The following CSNK1G3 variants were observed in gnomAD, a reference collection of about 807,000 sequenced individuals.
The protein encoded by CSNK1G3 is casein kinase I isoform gamma-3.
In CSNK1G3, 23 loss-of-function variants were observed where a neutral mutation model predicts 64.3. The observed-to-expected ratio is 0.36, with a 90% CI of 0.26 to 0.51. The LOEUF is 0.51. Ranked by LOEUF, CSNK1G3 falls within the 20% of genes least tolerant of loss-of-function variation. CSNK1G3 has a pLI of 0.96. For synonymous variants in CSNK1G3, 158 were observed against 162.2 expected, an observed-to-expected ratio of 0.97 and a Z score of 0.20; for missense variants, 357 against 510.5, an observed-to-expected ratio of 0.70 and a Z score of 2.90.
chr5:123,579,902 A>C (rs1329058428), intron 6 of CSNK1G3, among the ~76,000 whole-genome samples: 3 of 151,950 alleles, frequency 2.0e-5, no homozygotes, highest in African/African-American at 7.2e-5. Context: ...TTAACAGATA[A>C]AAAATTTTGT....
At chr5:123,591,823 G>T (rs1172215052) in intron 10 of CSNK1G3, among the ~76,000 whole-genome samples, 1 of 152,034 alleles carries the variant, frequency 6.6e-6, no homozygotes, top group Non-Finnish European at 1.5e-5. Flanking sequence ...GAATGATTTT[G>T]TCACCAGTGT....
intron 10 of CSNK1G3, among the ~76,000 whole-genome samples, chr5:123,593,460 G>A (rs1792824460): frequency 6.6e-6 from 1 of 151,978 alleles, no homozygotes; most frequent in Non-Finnish European, 1.5e-5. Context: ...AGATAAATGA[G>A]TTAAGTTGAG....
chr5:123,592,040 A>G (rs1186079798), intron 10 of CSNK1G3, among the ~76,000 whole-genome samples: 1 of 152,056 alleles, frequency 6.6e-6, no homozygotes, highest in Non-Finnish European at 1.5e-5. Context: ...TATTATTACA[A>G]TAAATACAGA....
intron 3 of CSNK1G3, 25 bp downstream of exon 3, chr5:123,553,172 C>G: frequency 8.2e-7 from 1 of 1,217,634 alleles, no homozygotes; most frequent in South Asian, 1.6e-5. Flanking sequence ...CTTAATTTTT[C>G]TTAATGATTT....
chr5:123,514,563 C>G (rs892425689), intron 1 of CSNK1G3, among the ~76,000 whole-genome samples: 4 of 151,986 alleles, frequency 2.6e-5, no homozygotes, highest in African/African-American at 9.7e-5. Flanking sequence ...TTCACAGATT[C>G]CTGTGGGTTT....
chr5:123,613,275 A>G (rs1315019181), intron 12 of CSNK1G3, among the ~76,000 whole-genome samples: 1 of 150,902 alleles, frequency 6.6e-6, no homozygotes, highest in African/African-American at 2.4e-5. Flanking sequence ...TGATGTGTTC[A>G]TCTCCTCTTT....
intron 10 of CSNK1G3, among the ~76,000 whole-genome samples, chr5:123,593,204 C>CACAA (rs1277199918): frequency 1.1e-5 from 1 of 92,180 alleles, no homozygotes; most frequent in Non-Finnish European, 2.4e-5. Flanking sequence ...TGTATATATA[C>CACAA]ACACACACAC....
chr5:123,520,920 C>T (rs940990097), intron 1 of CSNK1G3, among the ~76,000 whole-genome samples: 1 of 151,480 alleles, frequency 6.6e-6, no homozygotes, highest in Non-Finnish European at 1.5e-5. Context: ...TTTTCTATTT[C>T]TGTGAAATAC....
intron 1 of CSNK1G3, among the ~76,000 whole-genome samples, chr5:123,543,445 GT>G (rs1172533326): frequency 2.0e-5 from 3 of 151,970 alleles, no homozygotes; most frequent in African/African-American, 7.3e-5. Context: ...TTTCTGTTCG[GT>G]TTTTTTAGAC....
chr5:123,613,291 A>G (rs376354062), intron 12 of CSNK1G3, among the ~76,000 whole-genome samples: 2 of 151,642 alleles, frequency 1.3e-5, no homozygotes, highest in South Asian at 4.2e-4. Flanking sequence ...TCTTTTAGAG[A>G]CAGGGTCTTG....
intron 11 of CSNK1G3, 114 bp from the exon 13 acceptor site, chr5:123,605,225 T>C (rs1795148824): frequency 1.1e-6 from 1 of 898,784 alleles, no homozygotes; most frequent in Non-Finnish European, 1.7e-6. Context: ...TATAACAACA[T>C]TGCTTGGAAA....
At chr5:123,532,366 A>G (rs1334471070) in intron 1 of CSNK1G3, among the ~76,000 whole-genome samples, 3 of 151,888 alleles carry the variant, frequency 2.0e-5, no homozygotes, top group Non-Finnish European at 3.0e-5. Context: ...AAACTGCCCT[A>G]AATAATTTTT....
intron 1 of CSNK1G3, among the ~76,000 whole-genome samples, chr5:123,542,887 T>TGTGTGTGTGTGTG (rs1554070088): frequency 2.7e-5 from 4 of 150,556 alleles, no homozygotes; most frequent in African/African-American, 9.8e-5. Flanking sequence ...TGTGTGTGTG[T>TGTGTGTGTGTGTG]TTACCAAATT....
rs375876147 is a variant in CSNK1G3 at position 123,593,202 on chromosome 5, T to TATAC, written c.1086+1789_1086+1790insTACA. Among the ~76,000 whole-genome samples the TATAC allele has an allele frequency of 4.5e-3, 663 of 146,912 alleles. 3 individuals are homozygous for TATAC. The highest frequency in any genetic ancestry group is 0.017 in the East Asian group (83 of 4,956). ...TGTAGGGTGGGTGTGTGTGTATATA[T>TATAC]ACACACACACACACACACACACACA... On this transcript the variant is annotated intron_variant, in intron 10 of 12. Transcript: ENST00000345990.
In CSNK1G3 at chr5:123,560,680, T is replaced by TA. The variant is rs549775948; in HGVS notation, c.289+3123dup. Reference sequence around the variant, plus strand: ...ATGAGCTTTGATCATGCCATTGTACTAAAAAAAGGAAAATTCTGCAAAGTG... The same window carrying TA: ...ATGAGCTTTGATCATGCCATTGTACTAAAAAAAAGGAAAATTCTGCAAAGTG... On this transcript the variant is annotated intron_variant, in intron 4 of 12. Transcript: ENST00000345990. Among the ~76,000 whole-genome samples the TA allele has an allele frequency of 9.2e-5, 14 of 152,178 alleles. No individual in the cohort carries two copies. In the South Asian group the frequency reaches 2.9e-3, roughly 32 times the overall value.
chr5:123,598,199 C>G (rs776140399), intron 10 of CSNK1G3, among the ~76,000 whole-genome samples: 1 of 152,080 alleles, frequency 6.6e-6, no homozygotes, highest in African/African-American at 2.4e-5. Context: ...CAAGTGTGCC[C>G]CTCTCGGTTC....
intron 6 of CSNK1G3, among the ~76,000 whole-genome samples, chr5:123,578,105 T>C (rs1447800983): frequency 6.6e-6 from 1 of 152,012 alleles, no homozygotes; most frequent in Non-Finnish European, 1.5e-5. Context: ...TCCATTTGAA[T>C]GTTGATGGAT....
chr5:123,512,614 C>G (rs1335373248), intron 1 of CSNK1G3, 44 bp downstream of exon 1: 4 of 147,836 alleles, frequency 2.7e-5, no homozygotes, highest in Non-Finnish European at 6.0e-5. Context: ...AGCCCCGGCC[C>G]GGCGGCTGCC....
At chr5:123,615,977 A>G (rs1749382196) in exon 13 of CSNK1G3, 1 of 152,110 alleles carries the variant, frequency 6.6e-6, no homozygotes, top group Non-Finnish European at 1.5e-5. Flanking sequence ...TATTTTTCTT[A>G]TTAGCCAAAA....
Sources: gnomAD v4.1 joint callset for allele counts (sites outside exome capture counted in the v4.1 genomes callset) on GRCh38, gnomAD v4.1.1 for gene constraint, MANE v1.5 for transcripts, NCBI Gene and HGNC (gene_info 2026-07-23, HGNC 2026-07-21) for gene names.